The following EML4 variants were observed in gnomAD, a reference collection of about 807,000 sequenced individuals.
The protein encoded by EML4 is EMAP like 4, also known as echinoderm microtubule-associated protein-like 4.
EML4 carries 72 observed loss-of-function variants against 129.0 expected under a neutral mutation model. That is an observed-to-expected ratio of 0.56 (90% confidence interval 0.46 to 0.68). The LOEUF (loss-of-function observed/expected upper bound fraction) is 0.68. Ranked by LOEUF, EML4 falls within the 30% of genes least tolerant of loss-of-function variation. EML4 has a pLI of 0.00. For synonymous variants in EML4, 532 were observed against 405.0 expected (o/e 1.31, Z -3.77); for missense variants, 1,363 against 1,190.6 (o/e 1.14, Z -2.13).
At chr2:42,211,453 A>G (rs1336372613) in intron 1 of EML4, among the ~76,000 whole-genome samples, 2 of 152,204 alleles carry the variant, frequency 1.3e-5, no homozygotes, top group Non-Finnish European at 1.5e-5. Context: ...ACAATGAATG[A>G]GGAAATTGGC....
intron 1 of EML4, 128 bp downstream of exon 1, chr2:42,169,764 T>G (rs1468575096): frequency 1.1e-5 from 12 of 1,056,356 alleles, no homozygotes; most frequent in Non-Finnish European, 1.3e-5. Flanking sequence ...ACATGTTCCC[T>G]TCGAGGCTGC....
intron 8 of EML4, 118 bp downstream of exon 8, chr2:42,283,090 A>G (rs1558572720): frequency 1.1e-5 from 11 of 959,966 alleles, no homozygotes; most frequent in East Asian, 5.2e-5. Flanking sequence ...TAAAAATATT[A>G]TGGGTCATCT....
intron 1 of EML4, among the ~76,000 whole-genome samples, chr2:42,212,472 G>A (rs939721517): frequency 6.6e-6 from 1 of 151,704 alleles, no homozygotes; most frequent in African/African-American, 2.4e-5. Flanking sequence ...AAACTCGGCA[G>A]TAGATTTTTT....
chr2:42,231,035 G>A (rs1558522672), intron 1 of EML4, among the ~76,000 whole-genome samples: 1 of 152,008 alleles, frequency 6.6e-6, no homozygotes, highest in Non-Finnish European at 1.5e-5. Flanking sequence ...CTTCACCCCC[G>A]TCTGGTTAAA....
chr2:42,218,691 A>G (rs1290631570), intron 1 of EML4, among the ~76,000 whole-genome samples: 1 of 152,232 alleles, frequency 6.6e-6, no homozygotes, highest in Admixed American at 6.5e-5. Context: ...CTATCCATAC[A>G]GCACAATACA....
intron 6 of EML4, among the ~76,000 whole-genome samples, chr2:42,269,519 T>C (rs1666253303): frequency 6.6e-6 from 1 of 152,148 alleles, no homozygotes; most frequent in African/African-American, 2.4e-5. Context: ...ACAAAACAGA[T>C]AAATACTTCA....
At chr2:42,215,450 C>T (rs1261935825) in intron 1 of EML4, among the ~76,000 whole-genome samples, 3 of 152,058 alleles carry the variant, frequency 2.0e-5, no homozygotes, top group Non-Finnish European at 4.4e-5. Flanking sequence ...CCTATAAAAG[C>T]TTCCAGGGTA....
chr2:42,188,317 G>A (rs941217073), intron 1 of EML4, among the ~76,000 whole-genome samples: 5 of 152,088 alleles, frequency 3.3e-5, no homozygotes, highest in African/African-American at 1.2e-4. Flanking sequence ...GACCTCCTGG[G>A]CTCAGGTGAT....
intron 2 of EML4, among the ~76,000 whole-genome samples, chr2:42,250,596 T>C (rs1360645629): frequency 6.6e-6 from 1 of 152,108 alleles, no homozygotes; most frequent in Non-Finnish European, 1.5e-5. Flanking sequence ...TTTTCCTTGT[T>C]TGAGCATTAT....
At chr2:42,200,981 A>T (rs1186859084) in intron 1 of EML4, among the ~76,000 whole-genome samples, 2 of 152,178 alleles carry the variant, frequency 1.3e-5, no homozygotes, top group Non-Finnish European at 2.9e-5. Flanking sequence ...CTAAGAAATT[A>T]AGTGAATTGC....
intron 2 of EML4, among the ~76,000 whole-genome samples, chr2:42,255,619 T>C (rs1558544971): frequency 6.6e-6 from 1 of 152,178 alleles, no homozygotes; most frequent in Non-Finnish European, 1.5e-5. Flanking sequence ...TTTGCATAAT[T>C]TGAGGATTAA....
At chr2:42,224,366 A>T (rs1318624371) in intron 1 of EML4, among the ~76,000 whole-genome samples, 2 of 152,176 alleles carry the variant, frequency 1.3e-5, no homozygotes, top group Non-Finnish European at 2.9e-5. Flanking sequence ...TCCATGTTGC[A>T]GCATGTATCA....
chr2:42,256,731 C>G (rs1403054275), intron 3 of EML4, 101 bp downstream of exon 3: 7 of 1,403,298 alleles, frequency 5.0e-6, no homozygotes, highest in South Asian at 1.3e-5. Flanking sequence ...TGTTTGAATT[C>G]AAGTGAGCAT....
chr2:42,303,978 A>C (rs1365857354), intron 16 of EML4, among the ~76,000 whole-genome samples: 1 of 152,222 alleles, frequency 6.6e-6, no homozygotes, highest in Non-Finnish European at 1.5e-5. Flanking sequence ...CAATTTGTCC[A>C]TCAGCTTCAG....
In EML4 at chr2:42,330,399, T is replaced by C. The variant is rs1216534037; in HGVS notation, c.*192T>C. On this transcript the variant is annotated 3_prime_UTR_variant, in exon 23 of 23. Coordinates refer to ENST00000318522, the MANE Select transcript of EML4 (RefSeq NM_019063.5). ...ACTTAAAGTTTTAGTTTGGTGTTTATTGAAAATTAACCAAACTTAATACTA... is the reference window on the plus strand; with the variant it reads ...ACTTAAAGTTTTAGTTTGGTGTTTACTGAAAATTAACCAAACTTAATACTA... The C allele has an allele frequency of 7.5e-6, 5 of 670,130 alleles. No homozygotes were observed. The highest frequency in any genetic ancestry group is 1.8e-5 in the African/African-American group (1 of 56,034). The allele number at this position is 670,130 out of a possible 1,614,324, so 41.5% of individuals were successfully genotyped here. A position where few individuals can be genotyped will look rare whatever the true frequency, so the allele number is the denominator to read the frequency against.
chr2:42,199,217 G>C lies in EML4; in HGVS notation c.25+29581G>C, dbSNP rs75913054. 1.6e-3 allele frequency among the ~76,000 whole-genome samples: 239 copies of C among 152,310 alleles called. 6 individuals are homozygous for C. In the East Asian group the frequency reaches 0.035, roughly 22 times the overall value. On this transcript the variant is annotated intron_variant, in intron 1 of 22. Coordinates refer to ENST00000318522, the MANE Select transcript of EML4 (RefSeq NM_019063.5). ...GTTTTAAGATTTCAGATGAGTAATT[G>C]TTGTGGGTAATAAAGCGAGTGGTTA...
intron 2 of EML4, among the ~76,000 whole-genome samples, chr2:42,254,761 G>A (rs181479630): frequency 1.6e-4 from 25 of 152,218 alleles, no homozygotes; most frequent in Admixed American, 9.2e-4. Context: ...TACAACAACC[G>A]TGACTCAGCA....
intron 1 of EML4, among the ~76,000 whole-genome samples, chr2:42,174,601 T>A (rs1023093299): frequency 6.6e-6 from 1 of 152,084 alleles, no homozygotes; most frequent in African/African-American, 2.4e-5. Flanking sequence ...CCCTGTAGTA[T>A]ATTTGTATGT....
At chr2:42,201,642 G>A (rs1672239094) in intron 1 of EML4, among the ~76,000 whole-genome samples, 1 of 152,162 alleles carries the variant, frequency 6.6e-6, no homozygotes, top group Non-Finnish European at 1.5e-5. Flanking sequence ...AACGTACTCA[G>A]CCTTGGAAAG....
Sources: gnomAD v4.1 joint callset for allele counts (sites outside exome capture counted in the v4.1 genomes callset) on GRCh38, gnomAD v4.1.1 for gene constraint, MANE v1.5 for transcripts, NCBI Gene and HGNC (gene_info 2026-07-23, HGNC 2026-07-21) for gene names.